Variants in SHROOM3 observed in about 807,000 individuals in gnomAD.
SHROOM3 encodes the protein protein Shroom3.
A neutral mutation model predicts 138.6 loss-of-function variants in SHROOM3; 47 were observed. That is an observed-to-expected ratio of 0.34 (90% CI 0.27 to 0.43). The LOEUF is 0.43. Among genes scored for constraint, SHROOM3 ranks in the 20% least tolerant of loss-of-function variants. The pLI, the probability that SHROOM3 is intolerant of heterozygous loss-of-function variation, is 1.00. For synonymous variants in SHROOM3, 1,062 were observed against 1,063.3 expected (o/e 1.00, Z 0.02); for missense variants, 2,491 against 2,596.5 (o/e 0.96, Z 0.88).
At chr4:76,624,544 T>C (rs1463399425) in intron 2 of SHROOM3, among the ~76,000 whole-genome samples, 1 of 151,864 alleles carries the variant, frequency 6.6e-6, no homozygotes, top group African/African-American at 2.4e-5. Flanking sequence ...TTTCCAAGGG[T>C]GGGTGAGGGG....
intron 10 of SHROOM3, among the ~76,000 whole-genome samples, chr4:76,775,791 TATATATACACAC>T (rs1437591612): frequency 6.6e-6 from 1 of 151,000 alleles, no homozygotes; most frequent in Non-Finnish European, 1.5e-5. Context: ...TATATACACA[TATATATACACAC>T]ATACTATATA....
intron 2 of SHROOM3, among the ~76,000 whole-genome samples, chr4:76,594,868 T>C (rs537776040): frequency 6.6e-6 from 1 of 152,242 alleles, no homozygotes; most frequent in South Asian, 2.1e-4. Flanking sequence ...AACATTTGGG[T>C]GTATTGAACA....
chr4:76,523,164 C>T (rs370909700), intron 1 of SHROOM3, among the ~76,000 whole-genome samples: 5 of 152,200 alleles, frequency 3.3e-5, no homozygotes, highest in Admixed American at 1.3e-4. Context: ...TGTCATTCCT[C>T]GGCTTGTAGT....
intron 1 of SHROOM3, among the ~76,000 whole-genome samples, chr4:76,493,482 C>T (rs1281274312): frequency 1.3e-5 from 2 of 152,064 alleles, no homozygotes; most frequent in Non-Finnish European, 2.9e-5. Flanking sequence ...CAAAGAGGAG[C>T]TGCAGAGGAT....
intron 2 of SHROOM3, among the ~76,000 whole-genome samples, chr4:76,693,854 T>C (rs1449228210): frequency 2.7e-5 from 4 of 147,356 alleles, no homozygotes; most frequent in Non-Finnish European, 5.9e-5. Context: ...AGGACTGATC[T>C]GAGGACTGAT....
chr4:76,753,977 T>C (rs1721716803), intron 6 of SHROOM3, among the ~76,000 whole-genome samples: 1 of 152,200 alleles, frequency 6.6e-6, no homozygotes, highest in African/African-American at 2.4e-5. Flanking sequence ...AATGTACTGT[T>C]TGTTTTTATA....
intron 2 of SHROOM3, among the ~76,000 whole-genome samples, chr4:76,581,944 C>T (rs1235289868): frequency 1.3e-5 from 2 of 152,192 alleles, no homozygotes; most frequent in Non-Finnish European, 2.9e-5. Flanking sequence ...TCTAAAGATG[C>T]AGTGTGACTT....
chr4:76,479,313 A>C (rs192845200), intron 1 of SHROOM3, among the ~76,000 whole-genome samples: 127 of 152,046 alleles, frequency 8.4e-4, no homozygotes, highest in Non-Finnish European at 4.4e-5. Flanking sequence ...AAAACACAGC[A>C]CAAGAATGTT....
chr4:76,518,904 C>T (rs2110009343), intron 1 of SHROOM3, among the ~76,000 whole-genome samples: 1 of 152,166 alleles, frequency 6.6e-6, no homozygotes, highest in South Asian at 2.1e-4. Flanking sequence ...GATTACATAC[C>T]CTAGAGATCA....
rs1423796467 is a variant in SHROOM3, at chr4:76,741,734, C to A, written c.3561C>A (p.Asp1187Glu). 2 of 1,559,678 alleles carry A rather than the reference C, an allele frequency of 1.3e-6. No individual in the cohort carries two copies. The highest frequency in any genetic ancestry group is 4.8e-5 in the East Asian group (2 of 41,860). The change falls in exon 5 of 11, where the codon GAC becomes GAA. Residue 1187 changes from aspartate to glutamate, a missense_variant. Physicochemically the swap from Asp to Glu is conservative, Grantham distance 45 (BLOSUM62 2). Coordinates refer to ENST00000296043, the MANE Select transcript of SHROOM3 (RefSeq NM_020859.4). This position sits in a 1 kb window ranked among gnomAD's most constrained non-coding sequence, Gnocchi z 6.2. ...GRRLGERRRG[D>E]LLSGANGGTR... The stretch of plus-strand genomic sequence containing the variant: ...GCCTCGGGGAACGGCGACGCGGGGA[C>A]CTGCTTAGCGGAGCAAACGGTGGAA...
In SHROOM3 at chr4:76,435,981, G is replaced by A. The variant is rs1730554694; in HGVS notation, c.-72G>A. The A allele has an allele frequency of 6.9e-5, 107 of 1,540,638 alleles. No individual in the cohort carries two copies. The South Asian group carries it at 1.2e-3, about 17-fold the overall frequency. ...TGTCCTGAAGGATGGGACAACTTGT[G>A]CTGTAGAAGCACTGCTTGCCTGAGT... On this transcript the variant is annotated 5_prime_UTR_variant, in exon 1 of 11. Transcript: ENST00000296043.
intron 2 of SHROOM3, among the ~76,000 whole-genome samples, chr4:76,641,678 A>G (rs926170026): frequency 2.0e-5 from 3 of 152,152 alleles, no homozygotes; most frequent in Admixed American, 6.5e-5. Context: ...TCATCTCTTG[A>G]GCTTGCTTCT....
chr4:76,738,790 A>C lies in SHROOM3; in HGVS notation c.617A>C (p.Asp206Ala). 6.2e-7 allele frequency: 1 copy of C among 1,614,210 alleles called. No individual in the cohort carries two copies. The highest frequency in any genetic ancestry group is 8.5e-7 in the Non-Finnish European group (1 of 1,180,020). The change falls in exon 5 of 11, where the codon GAC (aspartate) becomes GCC (alanine). Residue 206 changes from aspartate to alanine, a missense_variant. Asp to Ala is a moderately radical substitution (Grantham distance 126). Transcript: ENST00000296043. ...TCTACTAGTGACCTCTCCAACTATG[A>C]CCATGCTTATCTAAGGCGGAGCCCT... Reference protein sequence around the residue: ...SSSTSDLSNYDHAYLRRSPDQ... With the variant: ...SSSTSDLSNYAHAYLRRSPDQ...
chr4:76,755,226 A>G, intron 7 of SHROOM3, 34 bp downstream of exon 7: 1 of 1,606,326 alleles, frequency 6.2e-7, no homozygotes, highest in Non-Finnish European at 8.5e-7. Context: ...TTCCCCCACT[A>G]ACAGGAGAGT....
intron 5 of SHROOM3, among the ~76,000 whole-genome samples, chr4:76,748,665 T>C (rs915121682): frequency 1.3e-5 from 2 of 152,202 alleles, no homozygotes; most frequent in Non-Finnish European, 2.9e-5. Flanking sequence ...GTTTGGCCCA[T>C]TGAATTCATT....
chr4:76,715,864 T>G (rs1014048643), intron 3 of SHROOM3: 4 of 158,918 alleles, frequency 2.5e-5, no homozygotes, highest in Admixed American at 2.5e-4. Flanking sequence ...ATAGAACCAC[T>G]GCTTCAGTCG....
At chr4:76,615,430 G>A (rs930263212) in intron 2 of SHROOM3, among the ~76,000 whole-genome samples, 6 of 152,204 alleles carry the variant, frequency 3.9e-5, no homozygotes, top group African/African-American at 1.2e-4. Flanking sequence ...ATGCCGAAAC[G>A]TGGTGTGTTC....
intron 2 of SHROOM3, among the ~76,000 whole-genome samples, chr4:76,680,120 T>C (rs1719146790): frequency 6.6e-6 from 1 of 151,276 alleles, no homozygotes; most frequent in Non-Finnish European, 1.5e-5. Flanking sequence ...TTTTGTTGTT[T>C]GGATTGCAGC....
At chr4:76,558,992 C>T (rs1165993415) in intron 2 of SHROOM3, among the ~76,000 whole-genome samples, 3 of 152,212 alleles carry the variant, frequency 2.0e-5, no homozygotes, top group Non-Finnish European at 4.4e-5. Context: ...TTCTCCTCTC[C>T]ATTTTCATTC....
Sources: allele counts gnomAD v4.1 joint callset (sites outside exome capture counted in the v4.1 genomes callset), GRCh38; gene constraint gnomAD v4.1.1; non-coding constraint Gnocchi (gnomAD v3.1); transcripts MANE v1.5; gene names NCBI Gene and HGNC (gene_info 2026-07-23, HGNC 2026-07-21).